Variants in TSHR observed in about 807,000 individuals in gnomAD.
The protein encoded by TSHR is thyrotropin receptor.
A neutral mutation model predicts 64.1 loss-of-function variants in TSHR; 51 were observed. The observed-to-expected ratio is 0.80, with a 90% confidence interval of 0.64 to 1.01. The LOEUF (loss-of-function observed/expected upper bound fraction) is 1.01, where lower values mean the gene tolerates loss of function less well. Among genes scored for constraint, TSHR ranks in the 50% least tolerant of loss-of-function variants. The pLI is 0.00. For missense variants in TSHR, 877 were observed against 942.8 expected (o/e 0.93, Z 0.91); for synonymous variants, 361 against 361.9 (o/e 1.00, Z 0.03).
intron 8 of TSHR, among the ~76,000 whole-genome samples, chr14:81,132,826 T>C (rs1389464571): frequency 2.0e-5 from 3 of 150,440 alleles, no homozygotes; most frequent in Non-Finnish European, 4.4e-5. Flanking sequence ...TCATCACCCA[T>C]AACAACTCTT....
Position 81,053,895 on chromosome 14 carries a change from T to C in TSHR, c.171-8253T>C, listed in dbSNP as rs1227492653. The stretch of plus-strand genomic sequence containing the variant: ...TGATACATGTAATAACATAGATTTG[T>C]CTCAGAAACATTATGTTGAATAAAA... On this transcript the variant is annotated intron_variant, in intron 1 of 9. Transcript: ENST00000298171. 7.2e-5 allele frequency: 11 copies of C among 152,340 alleles called. No homozygotes were observed. In the East Asian group the frequency reaches 2.1e-3, roughly 29 times the overall value. The allele number at this position is 152,340 out of a possible 1,614,324, so 9.4% of individuals were successfully genotyped here.
Position 81,020,040 on chromosome 14 carries a change from CT to C in TSHR, c.171-42106del, listed in dbSNP as rs1477080435. Among the ~76,000 whole-genome samples the C allele has an allele frequency of 2.0e-5, 3 of 152,172 alleles. No homozygotes were observed. The South Asian group carries it at 6.2e-4, about 31-fold the overall frequency. On this transcript the variant is annotated intron_variant, in intron 1 of 9. Transcript: ENST00000298171. ...GATCCTTGAGGAATCGCCACACTGT[CT>C]TCCACAATGGTTGAACTAATTTACA...
In TSHR at chr14:81,145,615, C is replaced by T. The variant is rs879662665; in HGVS notation, c.*1262C>T. ...TATGAAGAGTCACTTCAAAACACTT[C>T]GCTTGTCTTTAGGGATGATTTTTGC... On this transcript the variant is annotated 3_prime_UTR_variant, in exon 10 of 10. Transcript: ENST00000298171. The T allele has an allele frequency of 1.2e-4, 27 of 233,056 alleles. No individual in the cohort carries two copies. The highest frequency in any genetic ancestry group is 4.4e-4 in the African/African-American group (20 of 45,434). The allele number at this position is 233,056 out of a possible 1,614,324, so 14.4% of individuals were successfully genotyped here. A position where few individuals can be genotyped will look rare whatever the true frequency, so the allele number is the denominator to read the frequency against.
At chr14:80,960,070 GA>G (rs1409500490) in intron 1 of TSHR, among the ~76,000 whole-genome samples, 1 of 152,200 alleles carries the variant, frequency 6.6e-6, no homozygotes, top group Non-Finnish European at 1.5e-5. Flanking sequence ...TGTTAAAAAG[GA>G]AGCAAAGTAA....
chr14:81,087,473 T>C (rs1467159888), intron 3 of TSHR: 3 of 217,168 alleles, frequency 1.4e-5, no homozygotes, highest in Non-Finnish European at 2.8e-5. Flanking sequence ...TTACCACTTC[T>C]GTACATCTGG....
chr14:81,139,941 A>G, intron 9 of TSHR, 74 bp downstream of exon 9: 1 of 1,570,396 alleles, frequency 6.4e-7, no homozygotes, highest in South Asian at 1.1e-5. Context: ...GTTTTGGGGA[A>G]GATGCTTCCT....
intron 3 of TSHR, among the ~76,000 whole-genome samples, chr14:81,079,726 C>T (rs1159223162): frequency 1.3e-5 from 2 of 152,004 alleles, no homozygotes; most frequent in African/African-American, 4.8e-5. Context: ...CACAATGGCA[C>T]TTGCCTATAG....
chr14:81,094,905 A>G (rs1403289902), intron 6 of TSHR, among the ~76,000 whole-genome samples: 5 of 152,020 alleles, frequency 3.3e-5, no homozygotes, highest in Non-Finnish European at 7.4e-5. Context: ...TTGATTGGGC[A>G]TTACATTTAT....
rs558527030 is a variant in TSHR at position 81,112,868 on chromosome 14, G to A, written c.692+4416G>A. The stretch of plus-strand genomic sequence containing the variant: ...TGGCACGTTTGAGGAATAGCAAGGA[G>A]GCCATTGCCGCTCAAACAGAGTAAA... On this transcript the variant is annotated intron_variant, in intron 8 of 9. Coordinates refer to ENST00000298171, the MANE Select transcript of TSHR (RefSeq NM_000369.5). Among the ~76,000 whole-genome samples the A allele has an allele frequency of 2.0e-5, 3 of 152,338 alleles. No individual in the cohort carries two copies. The South Asian group carries it at 6.2e-4, about 32-fold the overall frequency.
chr14:80,957,484 A>G (rs1021704951), intron 1 of TSHR, among the ~76,000 whole-genome samples: 6 of 152,062 alleles, frequency 3.9e-5, no homozygotes, highest in African/African-American at 1.2e-4. Flanking sequence ...AAAAAACTTA[A>G]GTGAATAAAT....
At chr14:81,108,647 C>T in intron 8 of TSHR, 195 bp downstream of exon 8, 2 of 1,614,072 alleles carry the variant, frequency 1.2e-6, no homozygotes, top group Non-Finnish European at 1.7e-6. Flanking sequence ...TCCTTTGAGA[C>T]TCAGAAGGCC....
At chr14:81,089,549 G>A (rs761356669) in intron 4 of TSHR, among the ~76,000 whole-genome samples, 2 of 152,148 alleles carry the variant, frequency 1.3e-5, no homozygotes, top group African/African-American at 2.4e-5. Flanking sequence ...GTATGAAATT[G>A]AAAAGTGCCT....
intron 1 of TSHR, among the ~76,000 whole-genome samples, chr14:80,999,664 C>T (rs896128957): frequency 3.3e-5 from 5 of 152,114 alleles, no homozygotes; most frequent in East Asian, 1.9e-4. Flanking sequence ...TTTGCCAACT[C>T]GTTCTCTGGG....
chr14:80,964,943 A>T (rs1887221083), intron 1 of TSHR, among the ~76,000 whole-genome samples: 1 of 152,222 alleles, frequency 6.6e-6, no homozygotes, highest in African/African-American at 2.4e-5. Flanking sequence ...ACTACTTGAG[A>T]CCATCATTGT....
intron 1 of TSHR, among the ~76,000 whole-genome samples, chr14:80,968,126 G>C (rs1019919309): frequency 1.3e-5 from 2 of 152,212 alleles, no homozygotes; most frequent in African/African-American, 4.8e-5. Context: ...GGAGATGAGA[G>C]GTGTGTGGTA....
In TSHR at chr14:81,068,258, G is replaced by A. The variant is rs151211603; in HGVS notation, c.247G>A (p.Val83Ile). The A allele has an allele frequency of 4.4e-5, 71 of 1,612,570 alleles. No homozygotes were observed. Among genetic ancestry groups the A allele is most frequent in the East Asian group, 4.0e-4 (18 of 44,820 alleles). The change falls in exon 3 of 10, where the codon GTA becomes ATA. Residue 83 changes from valine (V) to isoleucine (I), a missense_variant. Coordinates refer to ENST00000298171, the MANE Select transcript of TSHR (RefSeq NM_000369.5). ...SNLPNISRIYVSIDVTLQQLE... is the reference protein window; with the variant it reads ...SNLPNISRIYISIDVTLQQLE... ...TTATATTTTTCTGACATTCAGCTAC[G>A]TATCTATAGATGTGACTCTGCAGCA...
intron 1 of TSHR, among the ~76,000 whole-genome samples, chr14:81,030,586 T>C (rs1384471384): frequency 6.6e-6 from 1 of 152,208 alleles, no homozygotes; most frequent in Admixed American, 6.5e-5. Flanking sequence ...TAAATTCTCT[T>C]ACCAGTAGTT....
chr14:80,987,252 C>T (rs1888506360), intron 1 of TSHR, among the ~76,000 whole-genome samples: 2 of 152,200 alleles, frequency 1.3e-5, no homozygotes, highest in Admixed American at 6.5e-5. Flanking sequence ...CCAAAGCAAT[C>T]CTGGTGCTTC....
chr14:81,101,897 T>G (rs530383893), intron 7 of TSHR, among the ~76,000 whole-genome samples: 1 of 151,972 alleles, frequency 6.6e-6, no homozygotes, highest in East Asian at 1.9e-4. Flanking sequence ...GCAGGCCGGG[T>G]GTGGTGGCTC....
Sources: allele counts gnomAD v4.1 joint callset (sites outside exome capture counted in the v4.1 genomes callset), GRCh38; gene constraint gnomAD v4.1.1; transcripts MANE v1.5; gene names NCBI Gene and HGNC (gene_info 2026-07-23, HGNC 2026-07-21).